The following GNG2 variants were observed in gnomAD, a reference collection of about 807,000 sequenced individuals.
GNG2 encodes the protein G protein subunit gamma 2, also known as guanine nucleotide-binding protein G(I)/G(S)/G(O) subunit gamma-2.
GNG2 carries 5 observed loss-of-function variants against 5.5 expected under a neutral mutation model. That is an observed-to-expected ratio of 0.91 (90% CI 0.48 to 1.92). The LOEUF is 1.92. Ranked by LOEUF, GNG2 falls within the 30% of genes most tolerant of loss-of-function variation. GNG2 has a pLI of 0.01. For synonymous variants in GNG2, 28 were observed against 32.0 expected (o/e 0.88, Z 0.42); for missense variants, 55 against 88.4 (o/e 0.62, Z 1.52).
chr14:51,872,500 G>C (rs983219334), intron 1 of GNG2, among the ~76,000 whole-genome samples: 2 of 152,148 alleles, frequency 1.3e-5, no homozygotes, highest in African/African-American at 4.8e-5. Context: ...GTTTGAGGGA[G>C]TCCACTGTGA....
chr14:51,851,795 G>T (rs1008405256), intron 2 of GNG2, among the ~76,000 whole-genome samples: 1 of 152,132 alleles, frequency 6.6e-6, no homozygotes, highest in East Asian at 1.9e-4. Context: ...CAGCTGTGGG[G>T]CATGAACAAC....
At chr14:51,841,576 A>G (rs1385416171) in intron 2 of GNG2, 2 of 701,604 alleles carry the variant, frequency 2.9e-6, no homozygotes, top group Admixed American at 4.0e-5. Flanking sequence ...AACCCAGGTA[A>G]TCTGGCTTTG....
At chr14:51,894,037 ATTC>A (rs1269912750) in intron 2 of GNG2, among the ~76,000 whole-genome samples, 2 of 151,900 alleles carry the variant, frequency 1.3e-5, no homozygotes, top group African/African-American at 4.8e-5. Flanking sequence ...GTCCCATTTT[ATTC>A]TTCTTTTTAA....
chr14:51,880,351 T>G (rs1465671532), intron 2 of GNG2, among the ~76,000 whole-genome samples: 1 of 152,214 alleles, frequency 6.6e-6, no homozygotes. Flanking sequence ...ATGTGGAAAT[T>G]GGAGGAAAAA....
In GNG2 at chr14:51,967,206, T is replaced by C. The variant is rs1002706423; in HGVS notation, c.*519T>C. The C allele has an allele frequency of 6.5e-6, 1 of 153,940 alleles. No individual in the cohort carries two copies. Among genetic ancestry groups the C allele is most frequent in the African/African-American group, 2.4e-5 (1 of 41,348 alleles). 9.5% of individuals were successfully genotyped at this position (153,940 alleles called of 1,614,324 possible). A position where few individuals can be genotyped will look rare whatever the true frequency, so the allele number is the denominator to read the frequency against. On this transcript the variant is annotated 3_prime_UTR_variant, in exon 4 of 4. Coordinates refer to ENST00000556766, the MANE Select transcript of GNG2 (RefSeq NM_053064.5). The stretch of plus-strand genomic sequence containing the variant: ...TACCCCTCCTTCCACCCCTCCCCAT[T>C]AGAGTAGTGTGGAGATAAGGCTGGA...
rs544722772 is a variant in GNG2 at position 51,906,867 on chromosome 14, T to C, written c.-30+29210T>C. Reference sequence around the variant, plus strand: ...GCCTCCAGAGTTCACGCCATTCTCCTGCCTCAGCCTCCCGAGTAGCTGGGA... The same window carrying C: ...GCCTCCAGAGTTCACGCCATTCTCCCGCCTCAGCCTCCCGAGTAGCTGGGA... On this transcript the variant is annotated intron_variant, in intron 2 of 3. Transcript: ENST00000556766. Among the ~76,000 whole-genome samples, 16 of 148,568 alleles carry C rather than the reference T, an allele frequency of 1.1e-4. No homozygotes were observed. The East Asian group carries it at 2.9e-3, about 27-fold the overall frequency.
At chr14:51,911,761 C>T (rs1959516) in intron 2 of GNG2, among the ~76,000 whole-genome samples, 3,043 of 147,452 alleles carry the variant, frequency 0.021, 407 homozygotes, top group African/African-American at 0.073. Context: ...TTTCCCAGAC[C>T]GGTCTCCAAA....
At chr14:51,852,939 G>A (rs73291046) in intron 2 of GNG2, among the ~76,000 whole-genome samples, 4,118 of 152,054 alleles carry the variant, frequency 0.027, 174 homozygotes, top group African/African-American at 0.091. Context: ...TTTTTTTCCT[G>A]CTGGTTTAAT....
chr14:51,931,592 ACT>A (rs1298180375), intron 2 of GNG2, among the ~76,000 whole-genome samples: 1 of 152,174 alleles, frequency 6.6e-6, no homozygotes, highest in Non-Finnish European at 1.5e-5. Context: ...AAGTGCAAAC[ACT>A]CTGAGACCTG....
rs1890107955 is a variant in GNG2, at chr14:51,969,592, C to T, written c.*2905C>T. ...TCCTTAATATTTGCTTCTAGCTGCT[C>T]TTGGCAATGATGAATTGTTATGTAT... On this transcript the variant is annotated 3_prime_UTR_variant, in exon 4 of 4. Transcript: ENST00000556766. 6.6e-6 allele frequency: 1 copy of T among 152,156 alleles called. No homozygotes were observed. Among genetic ancestry groups the T allele is most frequent in the Admixed American group, 6.6e-5 (1 of 15,266 alleles). 9.4% of individuals were successfully genotyped at this position (152,156 alleles called of 1,614,324 possible).
chr14:51,861,189 A>G (rs763993464), intron 1 of GNG2: 2 of 152,164 alleles, frequency 1.3e-5, no homozygotes, highest in East Asian at 3.8e-4. Context: ...TACACATTGC[A>G]CTGGGATATC....
At chr14:51,826,533 G>A (rs1347452416) in intron 1 of GNG2, among the ~76,000 whole-genome samples, 1 of 152,160 alleles carries the variant, frequency 6.6e-6, no homozygotes, top group East Asian at 1.9e-4. Context: ...CCCACCTCGT[G>A]AGTATTGAGA....
At chr14:51,881,827 T>C (rs1286976175) in intron 2 of GNG2, among the ~76,000 whole-genome samples, 1 of 150,736 alleles carries the variant, frequency 6.6e-6, no homozygotes, top group Admixed American at 6.6e-5. Context: ...GATTCAGCAC[T>C]ATCAGTCATT....
At chr14:51,923,844 A>G (rs1309185182) in intron 2 of GNG2, among the ~76,000 whole-genome samples, 1 of 152,202 alleles carries the variant, frequency 6.6e-6, no homozygotes, top group Non-Finnish European at 1.5e-5. Flanking sequence ...TCCCTGGGGT[A>G]GGGGTGGACT....
rs117519079 is a variant in GNG2, at chr14:51,961,776, G to A, written c.88-4783G>A. On this transcript the variant is annotated intron_variant, in intron 3 of 3. Coordinates refer to ENST00000556766, the MANE Select transcript of GNG2 (RefSeq NM_053064.5). ...GGATACTGAATATGTGACACTCTGA[G>A]GCAAAAAAGAACTTGGAGCTTTCAA... 4.0e-3 allele frequency among the ~76,000 whole-genome samples: 608 copies of A among 152,162 alleles called. 9 individuals are homozygous for A. In the South Asian group the frequency reaches 0.048, roughly 12 times the overall value.
At position 51,865,832 on chromosome 14, in the gene GNG2, G is replaced by A. The variant is rs116424370; in HGVS notation, c.-71+5042G>A. ...AATAGAGATTTAAATTTTCAGGTAA[G>A]AGTATTAGAGATATCTGTAAATATA... On this transcript the variant is annotated intron_variant, in intron 1 of 3. Coordinates refer to ENST00000556766, the MANE Select transcript of GNG2 (RefSeq NM_053064.5). 3.4e-3 allele frequency among the ~76,000 whole-genome samples: 520 copies of A among 152,190 alleles called. 4 individuals carry two copies. The highest frequency in any genetic ancestry group is 0.012 in the African/African-American group (481 of 41,516).
At chr14:51,932,721 C>A (rs34653407) in intron 2 of GNG2, among the ~76,000 whole-genome samples, 3,902 of 152,240 alleles carry the variant, frequency 0.026, 43 homozygotes, top group Middle Eastern at 0.034. Flanking sequence ...AGAAAGGAAG[C>A]CATCCATTGT....
intron 1 of GNG2, among the ~76,000 whole-genome samples, chr14:51,869,971 A>G (rs1250082982): frequency 1.3e-5 from 2 of 152,218 alleles, no homozygotes; most frequent in African/African-American, 4.8e-5. Flanking sequence ...CTCGCTGAAG[A>G]ACAAAGTCAT....
intron 2 of GNG2, among the ~76,000 whole-genome samples, chr14:51,833,571 G>A (rs926907373): frequency 1.3e-5 from 2 of 152,196 alleles, no homozygotes; most frequent in Non-Finnish European, 2.9e-5. Flanking sequence ...TCTTCAAAAG[G>A]TGGAGATGCC....
Sources: allele counts gnomAD v4.1 joint callset (sites outside exome capture counted in the v4.1 genomes callset), GRCh38; gene constraint gnomAD v4.1.1; transcripts MANE v1.5; gene names NCBI Gene and HGNC (gene_info 2026-07-23, HGNC 2026-07-21).